The following ARHGEF12 variants were observed in gnomAD, a reference collection of about 807,000 sequenced individuals.
ARHGEF12 encodes the protein KMT2A/ARHGEF12 fusion protein.
Under a neutral mutation model 211.2 loss-of-function variants are expected in ARHGEF12, and 66 were observed. The observed-to-expected ratio is 0.31, with a 90% CI of 0.26 to 0.38. The LOEUF is 0.38. Ranked by LOEUF, ARHGEF12 falls within the 10% of genes least tolerant of loss-of-function variation. ARHGEF12 has a pLI of 1.00. For missense variants in ARHGEF12, 1,429 were observed against 1,869.5 expected, an observed-to-expected ratio of 0.76 and a Z score of 4.34; for synonymous variants, 592 against 638.4, an observed-to-expected ratio of 0.93 and a Z score of 1.09.
intron 1 of ARHGEF12, among the ~76,000 whole-genome samples, chr11:120,387,771 G>A (rs983941876): frequency 1.3e-5 from 2 of 152,056 alleles, no homozygotes; most frequent in African/African-American, 4.8e-5. Flanking sequence ...TTGTTTATGT[G>A]TCACTGTATA....
intron 1 of ARHGEF12, among the ~76,000 whole-genome samples, chr11:120,384,283 A>C (rs901378941): frequency 6.6e-6 from 1 of 152,206 alleles, no homozygotes; most frequent in African/African-American, 2.4e-5. Context: ...TTTCCTTCAA[A>C]ATTCACAGAA....
intron 1 of ARHGEF12, among the ~76,000 whole-genome samples, chr11:120,342,275 T>G (rs987021302): frequency 6.6e-6 from 1 of 152,198 alleles, no homozygotes; most frequent in Admixed American, 6.5e-5. Context: ...AAATATCTCT[T>G]GAGGATAAAG....
At chr11:120,442,031 T>C (rs971669851) in intron 14 of ARHGEF12, 73 bp from the exon 15 acceptor site, 42 of 1,109,106 alleles carry the variant, frequency 3.8e-5, no homozygotes, top group Non-Finnish European at 5.1e-5. Flanking sequence ...ACATTCCTAC[T>C]CAATGGTGAC....
At chr11:120,405,077 C>G (rs540203980) in intron 1 of ARHGEF12, among the ~76,000 whole-genome samples, 2 of 152,030 alleles carry the variant, frequency 1.3e-5, no homozygotes, top group Non-Finnish European at 2.9e-5. Flanking sequence ...AAATAGGTGT[C>G]GAAGGGAATT....
chr11:120,446,589 C>T (rs1019905987), intron 17 of ARHGEF12, 81 bp downstream of exon 17: 43 of 1,032,418 alleles, frequency 4.2e-5, no homozygotes, highest in Middle Eastern at 4.5e-4. Flanking sequence ...TCATTAAATA[C>T]TTAGCTTAGC....
At chr11:120,352,864 A>T (rs763418026) in intron 1 of ARHGEF12, among the ~76,000 whole-genome samples, 3 of 152,114 alleles carry the variant, frequency 2.0e-5, no homozygotes, top group African/African-American at 4.8e-5. Context: ...CTATATCAGA[A>T]CCAACATAGC....
chr11:120,357,927 A>ATATAG (rs1943172683), intron 1 of ARHGEF12, among the ~76,000 whole-genome samples: 1 of 152,202 alleles, frequency 6.6e-6, no homozygotes, highest in Non-Finnish European at 1.5e-5. Flanking sequence ...CAGGAACTGC[A>ATATAG]TATAGTTCAG....
chr11:120,394,475 T>A (rs1944313602), intron 1 of ARHGEF12, among the ~76,000 whole-genome samples: 1 of 150,952 alleles, frequency 6.6e-6, no homozygotes, highest in South Asian at 2.1e-4. Context: ...GGATTTCAGG[T>A]GTGAGCCACC....
intron 34 of ARHGEF12, 37 bp from the exon 35 acceptor site, chr11:120,477,182 T>C: frequency 6.9e-7 from 1 of 1,440,608 alleles, no homozygotes; most frequent in Non-Finnish European, 9.5e-7. Flanking sequence ...TTCTTTTTTC[T>C]TTTTTGTATT....
chr11:120,458,506 C>A, intron 25 of ARHGEF12: 1 of 328,482 alleles, frequency 3.0e-6, no homozygotes, highest in Non-Finnish European at 5.5e-6. Flanking sequence ...GTCATTGCAA[C>A]AACTAAGTTA....
At chr11:120,401,008 T>C (rs142867524) in intron 1 of ARHGEF12, among the ~76,000 whole-genome samples, 31 of 152,302 alleles carry the variant, frequency 2.0e-4, no homozygotes, top group African/African-American at 6.7e-4. Context: ...TCTCCATGAG[T>C]CATTCCGTCA....
At chr11:120,469,064 T>C (rs1473448745) in intron 29 of ARHGEF12, among the ~76,000 whole-genome samples, 5 of 152,188 alleles carry the variant, frequency 3.3e-5, no homozygotes, top group Admixed American at 3.3e-4. Context: ...TGTGATTTCT[T>C]TTTAAAGATT....
chr11:120,368,545 C>G (rs961720351), intron 1 of ARHGEF12, among the ~76,000 whole-genome samples: 2 of 152,130 alleles, frequency 1.3e-5, no homozygotes, highest in Non-Finnish European at 2.9e-5. Context: ...GACAGCATTC[C>G]TATAAAGCAG....
chr11:120,370,003 A>G (rs1247794294), intron 1 of ARHGEF12, among the ~76,000 whole-genome samples: 3 of 152,064 alleles, frequency 2.0e-5, no homozygotes, highest in East Asian at 1.9e-4. Flanking sequence ...TACTTTGGCT[A>G]TATGTTATGT....
chr11:120,405,709 TTC>T (rs1196715007), intron 1 of ARHGEF12, among the ~76,000 whole-genome samples: 2 of 152,160 alleles, frequency 1.3e-5, no homozygotes, highest in East Asian at 1.9e-4. Flanking sequence ...GGCAAAATAT[TTC>T]TTTTTGTCTT....
chr11:120,378,562 A>G (rs186531533), intron 1 of ARHGEF12, among the ~76,000 whole-genome samples: 303 of 152,302 alleles, frequency 2.0e-3, no homozygotes, highest in Admixed American at 5.2e-3. Context: ...ACTTAACCCA[A>G]GGTTGCAGAA....
At chr11:120,355,474 GAA>G (rs1457504801) in intron 1 of ARHGEF12, among the ~76,000 whole-genome samples, 1 of 152,080 alleles carries the variant, frequency 6.6e-6, no homozygotes, top group Non-Finnish European at 1.5e-5. Context: ...TTACAGATGA[GAA>G]AAAAACTTAG....
chr11:120,354,174 A>G (rs1943070027), intron 1 of ARHGEF12, among the ~76,000 whole-genome samples: 1 of 152,184 alleles, frequency 6.6e-6, no homozygotes, highest in South Asian at 2.1e-4. Context: ...ACTATTCTCA[A>G]GAGCTGGGAG....
At chr11:120,435,738 G>C (rs887750057) in intron 11 of ARHGEF12, among the ~76,000 whole-genome samples, 26 of 151,710 alleles carry the variant, frequency 1.7e-4, no homozygotes, top group Middle Eastern at 3.4e-3. Context: ...GGATGGTCTC[G>C]ATCTCCTGAC....
Sources: allele counts gnomAD v4.1 joint callset (sites outside exome capture counted in the v4.1 genomes callset), GRCh38; gene constraint gnomAD v4.1.1; transcripts MANE v1.5; gene names NCBI Gene and HGNC (gene_info 2026-07-23, HGNC 2026-07-21).